Variants in KLHL13 observed in about 807,000 individuals in gnomAD.
The protein encoded by KLHL13 is kelch-like protein 13.
A neutral mutation model predicts 37.1 loss-of-function variants in KLHL13; 10 were observed. The observed-to-expected ratio is 0.27, with a 90% CI of 0.17 to 0.46. The LOEUF (loss-of-function observed/expected upper bound fraction) is 0.46, where lower values mean the gene tolerates loss of function less well. KLHL13 is among the 20% of genes least tolerant of loss of function. The pLI, the probability that KLHL13 is intolerant of heterozygous loss-of-function variation, is 1.00. For synonymous variants in KLHL13, 163 were observed against 181.2 expected (o/e 0.90, Z 0.81); for missense variants, 360 against 509.3 (o/e 0.71, Z 2.82).
chrX:118,048,002 G>A (rs2054576828), intron 1 of KLHL13, among the ~76,000 whole-genome samples: 1 of 111,310 alleles, frequency 9.0e-6, no homozygotes. Flanking sequence ...TTAGTGTAGT[G>A]ACAGAGAGGC....
intron 1 of KLHL13, among the ~76,000 whole-genome samples, chrX:118,069,874 CACTG>C (rs753019756): frequency 8.9e-6 from 1 of 112,337 alleles, no homozygotes; most frequent in African/African-American, 3.2e-5. Context: ...ATTCTCTTCT[CACTG>C]ACTGACACCC....
At chrX:118,068,776 C>T (rs1241823310) in intron 1 of KLHL13, among the ~76,000 whole-genome samples, 1 of 110,934 alleles carries the variant, frequency 9.0e-6, no homozygotes, top group Admixed American at 9.6e-5. Flanking sequence ...GTAGTCACAG[C>T]ACATCTTCTT....
chrX:117,951,572 T>C (rs1258967110), intron 1 of KLHL13, among the ~76,000 whole-genome samples: 1 of 111,795 alleles, frequency 8.9e-6, no homozygotes, highest in African/African-American at 3.2e-5. Flanking sequence ...ATTTCACTAA[T>C]GGAACTCTTT....
intron 1 of KLHL13, among the ~76,000 whole-genome samples, chrX:118,058,903 A>T (rs1488289945): frequency 8.9e-6 from 1 of 111,917 alleles, no homozygotes; most frequent in Non-Finnish European, 1.9e-5. Context: ...CAGAATAGAT[A>T]TCACAAAGCT....
At chrX:117,990,957 A>G (rs1305351181) in intron 1 of KLHL13, among the ~76,000 whole-genome samples, 1 of 110,539 alleles carries the variant, frequency 9.0e-6, no homozygotes, top group East Asian at 2.8e-4. Context: ...TAAAGAATAA[A>G]AGACAATGGG....
At chrX:118,029,740 G>A (rs776108543) in intron 1 of KLHL13, among the ~76,000 whole-genome samples, 6 of 111,588 alleles carry the variant, frequency 5.4e-5, no homozygotes, top group African/African-American at 6.5e-5. Flanking sequence ...ATGCCAAGGC[G>A]AGCAGATTGC....
chrX:117,913,604 G>C (rs1282628613), intron 4 of KLHL13, among the ~76,000 whole-genome samples: 2 of 112,111 alleles, frequency 1.8e-5, no homozygotes, highest in Non-Finnish European at 3.8e-5. Context: ...CCAGCACTTT[G>C]AGAGGCCTTG....
chrX:118,110,993 T>C (rs188995634), intron 1 of KLHL13, among the ~76,000 whole-genome samples: 20 of 112,372 alleles, frequency 1.8e-4, no homozygotes, highest in Non-Finnish European at 3.0e-4. Flanking sequence ...CTATTTACAG[T>C]TATTGCATGA....
intron 1 of KLHL13, among the ~76,000 whole-genome samples, chrX:118,009,367 G>C (rs1177765837): frequency 2.2e-5 from 1 of 44,942 alleles, no homozygotes; most frequent in African/African-American, 9.0e-5. Context: ...TTTCTTCTAG[G>C]GTTTTTATGG....
intron 1 of KLHL13, among the ~76,000 whole-genome samples, chrX:118,073,865 G>C (rs1257872203): frequency 9.0e-6 from 1 of 111,337 alleles, no homozygotes; most frequent in African/African-American, 3.3e-5. Context: ...ATCTGTCAGG[G>C]AGGTCACTCT....
chrX:118,036,892 T>C (rs1421569921), intron 1 of KLHL13, among the ~76,000 whole-genome samples: 1 of 101,980 alleles, frequency 9.8e-6, no homozygotes, highest in Non-Finnish European at 2.0e-5. Context: ...CAAACAAATT[T>C]ACAAGAAAAA....
At chrX:118,096,061 C>T (rs181160426) in intron 1 of KLHL13, among the ~76,000 whole-genome samples, 104 of 111,554 alleles carry the variant, frequency 9.3e-4, no homozygotes, top group African/African-American at 2.9e-3. Flanking sequence ...TAGCAGAAGG[C>T]AAGAAATAAC....
chrX:118,023,699 G>A lies in KLHL13; in HGVS notation c.-55-78124C>T, dbSNP rs2054246190. ...TTCTCATGCCTCAGCCTCCCAAATA[G>A]CTGGAATTACAGGTGTGCACCACCA... On this transcript the variant is annotated intron_variant, in intron 1 of 6. Coordinates refer to the KLHL13 transcript ENST00000371882. Among the ~76,000 whole-genome samples, 7 of 111,227 alleles carry A rather than the reference G, an allele frequency of 6.3e-5. No homozygotes were observed. The South Asian group carries it at 2.7e-3, about 43-fold the overall frequency.
chrX:117,910,172 T>C, intron 4 of KLHL13, 76 bp from the exon 6 acceptor site: 1 of 694,899 alleles, frequency 1.4e-6, no homozygotes, highest in Non-Finnish European at 2.1e-6. Flanking sequence ...AAATACCTGT[T>C]CTAGAATAAG....
chrX:118,055,360 C>A (rs1252865603), intron 1 of KLHL13, among the ~76,000 whole-genome samples: 1 of 111,988 alleles, frequency 8.9e-6, no homozygotes, highest in African/African-American at 3.2e-5. Context: ...TGCACAAATG[C>A]CTGTTAATTA....
At chrX:118,011,111 A>T (rs114541880) in intron 1 of KLHL13, among the ~76,000 whole-genome samples, 324 of 108,741 alleles carry the variant, frequency 3.0e-3, no homozygotes, top group African/African-American at 9.9e-3. Flanking sequence ...TAAGAAAAGG[A>T]CACCTAATTC....
chrX:117,953,876 A>G (rs1161405972), intron 1 of KLHL13, among the ~76,000 whole-genome samples: 1 of 111,993 alleles, frequency 8.9e-6, no homozygotes, highest in Non-Finnish European at 1.9e-5. Context: ...TTCCATAAAA[A>G]CAATACCAAC....
intron 1 of KLHL13, among the ~76,000 whole-genome samples, chrX:117,981,330 C>T (rs1454092943): frequency 8.9e-6 from 1 of 111,772 alleles, no homozygotes; most frequent in African/African-American, 3.2e-5. Flanking sequence ...TTTCCTTTAT[C>T]TCATGGTCTA....
At chrX:118,007,730 A>G (rs1239833213) in intron 1 of KLHL13, among the ~76,000 whole-genome samples, 1 of 111,218 alleles carries the variant, frequency 9.0e-6, no homozygotes, top group Non-Finnish European at 1.9e-5. Context: ...ATGGATACAG[A>G]GGGCCTCAGG....
Sources: gnomAD v4.1 joint callset for allele counts (sites outside exome capture counted in the v4.1 genomes callset) on GRCh38, gnomAD v4.1.1 for gene constraint, MANE v1.5 for transcripts, NCBI Gene and HGNC (gene_info 2026-07-23, HGNC 2026-07-21) for gene names.